NKAIN2: variants seen among roughly 807,000 people sequenced by gnomAD.
NKAIN2 encodes the protein sodium/potassium transporting ATPase interacting 2, also known as sodium/potassium-transporting ATPase subunit beta-1-interacting protein 2.
Under a neutral mutation model 32.6 loss-of-function variants are expected in NKAIN2, and 14 were observed. That is an observed-to-expected ratio of 0.43 (90% CI 0.28 to 0.67). The LOEUF (loss-of-function observed/expected upper bound fraction) is 0.67, where lower values mean the gene tolerates loss of function less well. Ranked by LOEUF, NKAIN2 falls within the 30% of genes least tolerant of loss-of-function variation. NKAIN2 has a pLI of 0.17. For missense variants in NKAIN2, 198 were observed against 258.3 expected, an observed-to-expected ratio of 0.77 and a Z score of 1.60; for synonymous variants, 80 against 87.2, an observed-to-expected ratio of 0.92 and a Z score of 0.46.
intron 4 of NKAIN2, among the ~76,000 whole-genome samples, chr6:124,731,010 G>A (rs1460943804): frequency 1.4e-5 from 2 of 144,450 alleles, no homozygotes; most frequent in Non-Finnish European, 3.0e-5. Flanking sequence ...ACCACAATGA[G>A]ATACCATCTC....
At chr6:124,309,181 T>A (rs1159703750) in intron 2 of NKAIN2, among the ~76,000 whole-genome samples, 2 of 151,976 alleles carry the variant, frequency 1.3e-5, no homozygotes, top group Non-Finnish European at 2.9e-5. Flanking sequence ...AATTTGGGAG[T>A]CCTCAAATCC....
intron 3 of NKAIN2, among the ~76,000 whole-genome samples, chr6:124,493,678 T>A (rs1300752717): frequency 7.1e-6 from 1 of 140,238 alleles, no homozygotes; most frequent in Non-Finnish European, 1.5e-5. Context: ...CTGTCTTCTA[T>A]GCTAGAATGT....
intron 3 of NKAIN2, among the ~76,000 whole-genome samples, chr6:124,522,800 AG>A (rs1340345768): frequency 6.6e-6 from 1 of 152,134 alleles, no homozygotes; most frequent in Non-Finnish European, 1.5e-5. Flanking sequence ...GTTACATTTC[AG>A]GGGAGAAAGG....
At chr6:123,936,761 G>T (rs527830209) in intron 1 of NKAIN2, among the ~76,000 whole-genome samples, 8 of 152,164 alleles carry the variant, frequency 5.3e-5, no homozygotes, top group African/African-American at 1.7e-4. Context: ...TCCACAAATT[G>T]CATGAGCAAT....
At chr6:124,147,354 C>T (rs538886713) in intron 1 of NKAIN2, among the ~76,000 whole-genome samples, 13 of 151,892 alleles carry the variant, frequency 8.6e-5, no homozygotes, top group Non-Finnish European at 1.6e-4. Flanking sequence ...GCTCTTGACC[C>T]GTGGTTGTTA....
Position 124,167,327 on chromosome 6 carries a change from A to T in NKAIN2, c.55-115678A>T, listed in dbSNP as rs1195926346. Among the ~76,000 whole-genome samples the T allele has an allele frequency of 1.3e-5, 2 of 150,594 alleles. 1 individual carries two copies. The highest frequency in any genetic ancestry group is 4.2e-4 in the South Asian group (2 of 4,746). On this transcript the variant is annotated intron_variant, in intron 1 of 6. Coordinates refer to ENST00000368417, the MANE Select transcript of NKAIN2 (RefSeq NM_001040214.3). ...TGATTTGGCTCTCTGTTTGTCTGTT[A>T]TTGGTGTATAAGAATGCTTGTGATT...
At chr6:124,666,971 A>G in intron 4 of NKAIN2, among the ~76,000 whole-genome samples, 1 of 152,136 alleles carries the variant, frequency 6.6e-6, no homozygotes. Context: ...TCCACTGCTC[A>G]TTGAGAATAC....
intron 1 of NKAIN2, among the ~76,000 whole-genome samples, chr6:124,272,605 C>T (rs908195897): frequency 2.6e-5 from 4 of 152,168 alleles, no homozygotes; most frequent in Non-Finnish European, 4.4e-5. Flanking sequence ...TGAGCCCCCA[C>T]ACAGAGTACC....
chr6:124,393,937 A>G (rs62436273), intron 3 of NKAIN2, among the ~76,000 whole-genome samples: 24,267 of 152,084 alleles, frequency 0.16, 3,355 homozygotes, highest in African/African-American at 0.38. Flanking sequence ...AAGAAGTAAA[A>G]TCCATTGATT....
chr6:124,340,319 A>G (rs1361126414), intron 2 of NKAIN2, among the ~76,000 whole-genome samples: 1 of 152,214 alleles, frequency 6.6e-6, no homozygotes, highest in African/African-American at 2.4e-5. Flanking sequence ...ACAAATATAC[A>G]TGAACAAAAA....
chr6:124,402,092 G>A (rs1773649955), intron 3 of NKAIN2, among the ~76,000 whole-genome samples: 1 of 152,050 alleles, frequency 6.6e-6, no homozygotes, highest in South Asian at 2.1e-4. Context: ...CTGAGGTTGT[G>A]CTACTAACAT....
intron 4 of NKAIN2, among the ~76,000 whole-genome samples, chr6:124,721,276 C>T (rs2114632203): frequency 6.6e-6 from 1 of 151,580 alleles, no homozygotes; most frequent in South Asian, 2.1e-4. Flanking sequence ...CAGTGGCGGG[C>T]GCCTGTAGTC....
chr6:124,239,678 A>T (rs1238747253), intron 1 of NKAIN2, among the ~76,000 whole-genome samples: 1 of 152,214 alleles, frequency 6.6e-6, no homozygotes, highest in Non-Finnish European at 1.5e-5. Flanking sequence ...GCAGAAATAA[A>T]GATGTTCTTT....
chr6:123,906,788 A>G (rs540643845), intron 1 of NKAIN2, among the ~76,000 whole-genome samples: 1 of 152,342 alleles, frequency 6.6e-6, no homozygotes, highest in Non-Finnish European at 1.5e-5. Context: ...AAAGTTGTCC[A>G]TCAAACTACT....
At chr6:124,616,966 C>T (rs1782929978) in intron 3 of NKAIN2, among the ~76,000 whole-genome samples, 1 of 152,270 alleles carries the variant, frequency 6.6e-6, no homozygotes, top group Non-Finnish European at 1.5e-5. Context: ...CAGCTCTCTG[C>T]TTCCTAAACA....
chr6:124,188,257 A>C (rs1789844936), intron 1 of NKAIN2, among the ~76,000 whole-genome samples: 2 of 152,200 alleles, frequency 1.3e-5, no homozygotes, highest in Non-Finnish European at 2.9e-5. Context: ...GTTGCAAAGA[A>C]TTGGCTCATC....
intron 1 of NKAIN2, among the ~76,000 whole-genome samples, chr6:124,209,128 C>T (rs1429938060): frequency 6.6e-6 from 1 of 151,502 alleles, no homozygotes. Flanking sequence ...CTCGCCGCTA[C>T]TCTTCAGAGC....
chr6:124,208,433 G>A (rs1791002286), intron 1 of NKAIN2, among the ~76,000 whole-genome samples: 2 of 151,518 alleles, frequency 1.3e-5, no homozygotes, highest in Admixed American at 6.6e-5. Context: ...ACCACTGATG[G>A]CATCATAACT....
At chr6:124,152,237 C>T (rs1246526612) in intron 1 of NKAIN2, among the ~76,000 whole-genome samples, 1 of 151,996 alleles carries the variant, frequency 6.6e-6, no homozygotes, top group East Asian at 1.9e-4. Context: ...TGTTGTGACA[C>T]ATTTGTCGTA....
Sources: gnomAD v4.1 joint callset for allele counts (sites outside exome capture counted in the v4.1 genomes callset) on GRCh38, gnomAD v4.1.1 for gene constraint, MANE v1.5 for transcripts, NCBI Gene and HGNC (gene_info 2026-07-23, HGNC 2026-07-21) for gene names.